Variants in CRYL1 observed in about 807,000 individuals in gnomAD.
CRYL1 encodes crystallin lambda 1, also known as lambda-crystallin homolog.
CRYL1 carries 29 observed loss-of-function variants against 36.6 expected under a neutral mutation model. The observed-to-expected ratio is 0.79, with a 90% CI of 0.59 to 1.08. CRYL1 has a LOEUF of 1.08. CRYL1 is among the 50% of genes least tolerant of loss of function. CRYL1 has a pLI of 0.00. For synonymous variants in CRYL1, 152 were observed against 151.5 expected (o/e 1.00, Z -0.02); for missense variants, 411 against 407.9 (o/e 1.01, Z -0.06).
At chr13:20,501,163 C>CATCATT (rs1432727395) in intron 2 of CRYL1, among the ~76,000 whole-genome samples, 1 of 152,236 alleles carries the variant, frequency 6.6e-6, no homozygotes, top group Non-Finnish European at 1.5e-5. Flanking sequence ...TGGCTGTACT[C>CATCATT]ATCATTTCAG....
At chr13:20,524,579 A>G (rs1239164967) in intron 1 of CRYL1, among the ~76,000 whole-genome samples, 1 of 151,936 alleles carries the variant, frequency 6.6e-6, no homozygotes, top group African/African-American at 2.4e-5. Flanking sequence ...GTTTCTCCAT[A>G]TTGGTCAGGC....
At chr13:20,507,657 A>T (rs549091891) in intron 2 of CRYL1, among the ~76,000 whole-genome samples, 2 of 152,206 alleles carry the variant, frequency 1.3e-5, no homozygotes, top group Non-Finnish European at 2.9e-5. Context: ...AGTGGCTCAC[A>T]CCTGTAATCC....
intron 5 of CRYL1, among the ~76,000 whole-genome samples, chr13:20,420,701 T>TTTTGTGTGTGTGTG: frequency 4.6e-5 from 1 of 21,840 alleles, no homozygotes; most frequent in African/African-American, 1.1e-4. Context: ...AAAATAGAGG[T>TTTTGTGTGTGTGTG]TGTGTGTGTG....
chr13:20,458,252 A>T (rs1456237195), intron 3 of CRYL1, among the ~76,000 whole-genome samples: 1 of 152,218 alleles, frequency 6.6e-6, no homozygotes, highest in Non-Finnish European at 1.5e-5. Flanking sequence ...TTAAAAATAA[A>T]TGTGCTAACA....
intron 5 of CRYL1, among the ~76,000 whole-genome samples, chr13:20,429,631 T>C (rs1430372458): frequency 6.6e-6 from 1 of 152,150 alleles, no homozygotes; most frequent in Non-Finnish European, 1.5e-5. Flanking sequence ...AAGATTTCTC[T>C]AGGGCCACAC....
chr13:20,432,258 G>A lies in CRYL1; in HGVS notation c.477C>T (p.Val159=), dbSNP rs1467743895. 45 of 1,613,368 alleles carry A rather than the reference G, an allele frequency of 2.8e-5. No individual in the cohort carries two copies. The highest frequency in any genetic ancestry group is 3.7e-5 in the Non-Finnish European group (44 of 1,179,756). Residue 159 remains valine (V), a synonymous_variant, in exon 5 of 8, where the codon GTC becomes GTT. Transcript: ENST00000298248. ...TCGTAGGGGCCGTCTCCGGGTGGGG[G>A]ACCAGCTCAACCAGCGGGATGTAGT... ...PPYYIPLVEL[V]PHPETAPTTV...
At chr13:20,507,770 T>C (rs776779261) in intron 2 of CRYL1, among the ~76,000 whole-genome samples, 42 of 151,742 alleles carry the variant, frequency 2.8e-4, no homozygotes, top group Non-Finnish European at 4.1e-4. Flanking sequence ...TATAAAAAAT[T>C]AGCTGGGCGT....
At chr13:20,420,677 T>C (rs2031778671) in intron 5 of CRYL1, among the ~76,000 whole-genome samples, 1 of 140,274 alleles carries the variant, frequency 7.1e-6, no homozygotes, top group African/African-American at 2.6e-5. Context: ...AGTTTTTCCC[T>C]TTGACTTTTC....
At chr13:20,445,965 C>T (rs1209920086) in intron 3 of CRYL1, among the ~76,000 whole-genome samples, 4 of 152,190 alleles carry the variant, frequency 2.6e-5, no homozygotes, top group Admixed American at 6.5e-5. Context: ...CCAAGAATAC[C>T]GCTTAAATTA....
In CRYL1 at chr13:20,489,375, T is replaced by C. The variant is rs778582674; in HGVS notation, c.271A>G (p.Ile91Val). The C allele has an allele frequency of 2.9e-5, 47 of 1,613,358 alleles. 1 individual carries two copies. Among genetic ancestry groups the C allele is most frequent in the Admixed American group, 1.0e-4 (6 of 60,008 alleles). ...CGCCAGTGTCCTTCACTCACCTGAA[T>C]GTGCATGGCACCCTCTACTGCTTCT... The part of the protein sequence containing the change: ...IQEAVEGAMH[I>V]QECVPEDLEL... Residue 91 changes from isoleucine (I) to valine (V), a missense_variant, in exon 3 of 8, where the codon ATT (isoleucine) becomes GTT (valine). Transcript: ENST00000298248.
Position 20,478,532 on chromosome 13 carries a change from G to A in CRYL1, c.276+10838C>T, listed in dbSNP as rs560257194. ...ACTCTATCACCCAGGCTGGAGTACA[G>A]TGGCAGAATCTCAGCTTACTGCAAC... On this transcript the variant is annotated intron_variant, in intron 3 of 7. Coordinates refer to ENST00000298248, the MANE Select transcript of CRYL1 (RefSeq NM_015974.3). Among the ~76,000 whole-genome samples the A allele has an allele frequency of 3.3e-5, 5 of 152,198 alleles. No individual in the cohort carries two copies. The South Asian group carries it at 1.0e-3, about 31-fold the overall frequency.
Position 20,404,748 on chromosome 13 carries a change from T to A in CRYL1, c.740-7A>T. Reference sequence around the variant, plus strand: ...TCGCAGTAGCTTAACATACCTGGAATTGTATGAAGACAAGAATCCACAATC... The same window carrying A: ...TCGCAGTAGCTTAACATACCTGGAAATGTATGAAGACAAGAATCCACAATC... On this transcript the variant is annotated splice_polypyrimidine_tract_variant and splice_region_variant and intron_variant, in intron 6 of 7. Transcript: ENST00000298248. The A allele has an allele frequency of 6.4e-7, 1 of 1,562,032 alleles. No homozygotes were observed. Among genetic ancestry groups the A allele is most frequent in the East Asian group, 2.2e-5 (1 of 44,644 alleles).
At position 20,425,600 on chromosome 13, in the gene CRYL1, AAGAGG is replaced by A. The variant is rs1424727158; in HGVS notation, c.633+6497_633+6501del. ...TAGACCCATATGAATGTTGGTTGAT[AAGAGG>A]AGAGAAGAAATCAAAGGACCATTCA... On this transcript the variant is annotated intron_variant, in intron 5 of 7. Transcript: ENST00000298248. The surrounding 1 kb of genome is among the most constrained non-coding windows in gnomAD (Gnocchi z 4.4). Among the ~76,000 whole-genome samples the A allele has an allele frequency of 6.6e-6, 1 of 152,170 alleles. No individual in the cohort carries two copies. Among genetic ancestry groups the A allele is most frequent in the Non-Finnish European group, 1.5e-5 (1 of 68,026 alleles).
intron 5 of CRYL1, chr13:20,430,843 A>C: frequency 1.0e-6 from 1 of 985,278 alleles, no homozygotes; most frequent in Non-Finnish European, 1.2e-6. Context: ...ACAAATGGAA[A>C]TATTTTAAAT....
At chr13:20,411,783 G>A (rs1055134915) in intron 6 of CRYL1, among the ~76,000 whole-genome samples, 2 of 152,114 alleles carry the variant, frequency 1.3e-5, no homozygotes, top group Non-Finnish European at 2.9e-5. Context: ...ACACGTGCTG[G>A]AGCAGATTCC....
At position 20,437,371 on chromosome 13, in the gene CRYL1, G is replaced by A. The variant is rs540961696; in HGVS notation, c.438+2222C>T. 4.6e-4 allele frequency among the ~76,000 whole-genome samples: 69 copies of A among 150,870 alleles called. 1 individual carries two copies. Among genetic ancestry groups the A allele is most frequent in the African/African-American group, 1.5e-3 (60 of 41,012 alleles). ...CGCCCAGGCTGGAGTGCAGTGGCGC[G>A]ATCTCGGCTCACTGCAAGCTCCACC... On this transcript the variant is annotated intron_variant, in intron 4 of 7. Transcript: ENST00000298248.
At position 20,404,237 on chromosome 13, in the gene CRYL1, C is replaced by T. The variant is rs2031304413; in HGVS notation, c.852G>A (p.Met284Ile). 4.4e-6 allele frequency: 7 copies of T among 1,600,726 alleles called. No homozygotes were observed. Among genetic ancestry groups the T allele is most frequent in the South Asian group, 1.1e-5 (1 of 90,714 alleles). Residue 284 changes from methionine (M) to isoleucine (I), a missense_variant, in exon 8 of 8, where the codon ATG becomes ATA. Transcript: ENST00000298248. ...RATAEKVNQDMCMKVPDDPEH... is the reference protein window; with the variant it reads ...RATAEKVNQDICMKVPDDPEH... ...CCGGGTCATCAGGGACCTTCATGCA[C>T]ATGTCCTGCAAGAAGGAGAAGGAAA...
intron 2 of CRYL1, among the ~76,000 whole-genome samples, chr13:20,501,065 A>G (rs1008506033): frequency 6.6e-6 from 1 of 152,076 alleles, no homozygotes; most frequent in Non-Finnish European, 1.5e-5. Context: ...CTGCTATATA[A>G]ACCCCTGATT....
At chr13:20,472,375 C>T (rs576472910) in intron 3 of CRYL1, among the ~76,000 whole-genome samples, 7 of 152,234 alleles carry the variant, frequency 4.6e-5, no homozygotes, top group South Asian at 2.1e-4. Context: ...ATTTTCAAGT[C>T]GTGGTTGGCT....
Sources: allele counts gnomAD v4.1 joint callset (sites outside exome capture counted in the v4.1 genomes callset), GRCh38; gene constraint gnomAD v4.1.1; non-coding constraint Gnocchi (gnomAD v3.1); transcripts MANE v1.5; gene names NCBI Gene and HGNC (gene_info 2026-07-23, HGNC 2026-07-21).